Variants in TLR4 observed in about 807,000 individuals in gnomAD.
TLR4 encodes toll like receptor 4.
A neutral mutation model predicts 27.4 loss-of-function variants in TLR4; 17 were observed. The observed-to-expected ratio is 0.62, with a 90% CI of 0.42 to 0.93. The LOEUF (loss-of-function observed/expected upper bound fraction) is 0.93. Ranked by LOEUF, TLR4 falls within the 40% of genes least tolerant of loss-of-function variation. The probability of loss-of-function intolerance (pLI) is 0.00; values close to 1 mark genes in which losing one functional copy is unlikely to be tolerated. For synonymous variants in TLR4, 363 were observed against 365.7 expected (o/e 0.99, Z 0.08); for missense variants, 926 against 962.3 (o/e 0.96, Z 0.50).
Position 117,713,426 on chromosome 9 carries a change from A to G in TLR4, c.1298A>G (p.Asn433Ser), listed in dbSNP as rs1438249663. Residue 433 changes from asparagine to serine, a missense_variant, in exon 3 of 3, where the codon AAT becomes AGT. By Grantham distance (46) the Asn-to-Ser change is conservative. Coordinates refer to ENST00000355622, the MANE Select transcript of TLR4 (RefSeq NM_138554.5). Reference sequence around the variant, plus strand: ...GAACATCTGGATTTCCAGCATTCCAATTTGAAACAAATGAGTGAGTTTTCA... The same window carrying G: ...GAACATCTGGATTTCCAGCATTCCAGTTTGAAACAAATGAGTGAGTTTTCA... ...QLEHLDFQHS[N>S]LKQMSEFSVF... The G allele has an allele frequency of 1.2e-6, 2 of 1,613,942 alleles. No homozygotes were observed. The highest frequency in any genetic ancestry group is 1.3e-5 in the African/African-American group (1 of 74,930).
rs1187931410 is a variant in TLR4 at position 117,723,883 on chromosome 9, TAC to T, written c.*9238_*9239del. On this transcript the variant is annotated 3_prime_UTR_variant, in exon 3 of 3. Coordinates refer to ENST00000355622, the MANE Select transcript of TLR4 (RefSeq NM_138554.5). ...TTTAAAGTGATATCTCCCAGGCTCC[TAC>T]ACTGTTAGTCACAGAGGTACCATTC... 6.6e-6 allele frequency: 1 copy of T among 152,220 alleles called. No individual in the cohort carries two copies. The highest frequency in any genetic ancestry group is 1.5e-5 in the Non-Finnish European group (1 of 68,046). The allele number at this position is 152,220 out of a possible 1,614,324, so 9.4% of individuals were successfully genotyped here.
At position 117,714,087 on chromosome 9, in the gene TLR4, G is replaced by A. The variant is rs5030721; in HGVS notation, c.1959G>A (p.Lys653=). ...VVSVVAVLVY[K]FYFHLMLLAG... The stretch of plus-strand genomic sequence containing the variant: ...CTGTTGTAGCAGTTCTGGTCTATAA[G>A]TTCTATTTTCACCTGATGCTTCTTG... Residue 653 remains lysine, a synonymous_variant, in exon 3 of 3, where the codon AAG becomes AAA. Coordinates refer to ENST00000355622, the MANE Select transcript of TLR4 (RefSeq NM_138554.5). 0.011 allele frequency: 17,664 copies of A among 1,614,034 alleles called. 117 individuals are homozygous for A. Among genetic ancestry groups the A allele is most frequent in the South Asian group, 0.013 (1,186 of 91,082 alleles).
intron 1 of TLR4, 193 bp from the exon 2 acceptor site, chr9:117,708,370 A>T (rs1182321737): frequency 7.0e-7 from 1 of 1,422,876 alleles, no homozygotes. Flanking sequence ...ATCTAGAGTA[A>T]GACAATTTAT....
In TLR4 at chr9:117,717,428, T is replaced by C. The variant is rs916341038; in HGVS notation, c.*2780T>C. 6.6e-6 allele frequency: 1 copy of C among 152,172 alleles called. No homozygotes were observed. Among genetic ancestry groups the C allele is most frequent in the Non-Finnish European group, 1.5e-5 (1 of 68,032 alleles). 9.4% of individuals were successfully genotyped at this position (152,172 alleles called of 1,614,324 possible). A position where few individuals can be genotyped will look rare whatever the true frequency, so the allele number is the denominator to read the frequency against. On this transcript the variant is annotated 3_prime_UTR_variant, in exon 3 of 3. Transcript: ENST00000355622. Reference sequence around the variant, plus strand: ...AATAACTAACAATAAAATTGAATAGTTATAATAATATATTGTAATAAAAGT... The same window carrying C: ...AATAACTAACAATAAAATTGAATAGCTATAATAATATATTGTAATAAAAGT...
rs376443096 is a variant in TLR4 at position 117,713,410 on chromosome 9, G to A, written c.1282G>A (p.Asp428Asn). 1.2e-6 allele frequency: 2 copies of A among 1,613,978 alleles called. No homozygotes were observed. The highest frequency in any genetic ancestry group is 2.2e-5 in the East Asian group (1 of 44,870). The change falls in exon 3 of 3, where the codon GAT becomes AAT. Residue 428 changes from aspartate to asparagine, a missense_variant. Physicochemically the swap from Asp to Asn is conservative, Grantham distance 23. Coordinates refer to ENST00000355622, the MANE Select transcript of TLR4 (RefSeq NM_138554.5). ...FLGLEQLEHLDFQHSNLKQMS... is the reference protein window; with the variant it reads ...FLGLEQLEHLNFQHSNLKQMS... ...GGGCTTAGAACAACTAGAACATCTG[G>A]ATTTCCAGCATTCCAATTTGAAACA... is the stretch of plus-strand genomic sequence containing the variant.
Position 117,718,216 on chromosome 9 carries a change from C to A in TLR4, c.*3568C>A, listed in dbSNP as rs1829381336. On this transcript the variant is annotated 3_prime_UTR_variant, in exon 3 of 3. Transcript: ENST00000355622. ...AAAACCTGAGCCTGGGCCTCCAGGT[C>A]ACTCAAGGACACTTTCTTTCTTCCA... 2 of 152,098 alleles carry A rather than the reference C, an allele frequency of 1.3e-5. No individual in the cohort carries two copies. Among genetic ancestry groups the A allele is most frequent in the Non-Finnish European group, 1.5e-5 (1 of 67,998 alleles). 9.4% of individuals were successfully genotyped at this position (152,098 alleles called of 1,614,324 possible).
intron 2 of TLR4, 62 bp downstream of exon 2, chr9:117,708,791 A>G: frequency 6.2e-7 from 1 of 1,601,542 alleles, no homozygotes; most frequent in Admixed American, 1.7e-5. Flanking sequence ...TCATTTCATT[A>G]TTGGACTGGA....
Position 117,723,452 on chromosome 9 carries a change from TCTCTTTG to T in TLR4, c.*8812_*8818del, listed in dbSNP as rs985737051. 6.6e-6 allele frequency: 1 copy of T among 152,318 alleles called. No individual in the cohort carries two copies. Among genetic ancestry groups the T allele is most frequent in the African/African-American group, 2.4e-5 (1 of 41,580 alleles). The allele number at this position is 152,318 out of a possible 1,614,324, so 9.4% of individuals were successfully genotyped here. ...TGTTGAACAAAGGCAAATCTCTTGA[TCTCTTTG>T]CTCTTTGGTCTCTGTTTATCTATGA... On this transcript the variant is annotated 3_prime_UTR_variant, in exon 3 of 3. Transcript: ENST00000355622.
At chr9:117,707,290 A>T (rs1053118163) in intron 1 of TLR4, among the ~76,000 whole-genome samples, 44 of 152,314 alleles carry the variant, frequency 2.9e-4, no homozygotes, top group African/African-American at 1.0e-3. Context: ...GACTTTGCGC[A>T]TATTACTTCA....
At chr9:117,710,820 G>T (rs1298060093) in intron 2 of TLR4, among the ~76,000 whole-genome samples, 1 of 151,986 alleles carries the variant, frequency 6.6e-6, no homozygotes, top group Admixed American at 6.6e-5. Flanking sequence ...CATTATCATT[G>T]CTTGTTAGCC....
intron 2 of TLR4, 115 bp downstream of exon 2, chr9:117,708,844 C>G: frequency 1.5e-6 from 2 of 1,305,014 alleles, no homozygotes; most frequent in Non-Finnish European, 2.2e-6. Context: ...CTTATTCATT[C>G]ATACAACAGA....
rs1182134162 is a variant in TLR4, at chr9:117,723,714, T to G, written c.*9066T>G. The G allele has an allele frequency of 6.6e-6, 1 of 152,226 alleles. No individual in the cohort carries two copies. Among genetic ancestry groups the G allele is most frequent in the Non-Finnish European group, 1.5e-5 (1 of 68,044 alleles). 9.4% of individuals were successfully genotyped at this position (152,226 alleles called of 1,614,324 possible). A position where few individuals can be genotyped will look rare whatever the true frequency, so the allele number is the denominator to read the frequency against. Reference sequence around the variant, plus strand: ...TTTTAAATTAAGCTATATGTCATTCTTACAGGAGTCTCCTCTATTTCAGCA... The same window carrying G: ...TTTTAAATTAAGCTATATGTCATTCGTACAGGAGTCTCCTCTATTTCAGCA... On this transcript the variant is annotated 3_prime_UTR_variant, in exon 3 of 3. Coordinates refer to ENST00000355622, the MANE Select transcript of TLR4 (RefSeq NM_138554.5).
rs1829437600 is a variant in TLR4, at chr9:117,722,884, A to G, written c.*8236A>G. 1 of 152,212 alleles carries G rather than the reference A, an allele frequency of 6.6e-6. No homozygotes were observed. Among genetic ancestry groups the G allele is most frequent in the Admixed American group, 6.5e-5 (1 of 15,280 alleles). The allele number at this position is 152,212 out of a possible 1,614,324, so 9.4% of individuals were successfully genotyped here. ...TTCATGGTTACTTTTATTTATAATA[A>G]ATTTTGTGACTAGCTAAGAATCAAT... On this transcript the variant is annotated 3_prime_UTR_variant, in exon 3 of 3. Coordinates refer to ENST00000355622, the MANE Select transcript of TLR4 (RefSeq NM_138554.5).
At chr9:117,709,236 A>G (rs1588092943) in intron 2 of TLR4, among the ~76,000 whole-genome samples, 1 of 152,150 alleles carries the variant, frequency 6.6e-6, no homozygotes, top group East Asian at 1.9e-4. Flanking sequence ...ATAGCGACAT[A>G]TAACAGTAGG....
At chr9:117,710,273 T>G (rs1829209286) in intron 2 of TLR4, among the ~76,000 whole-genome samples, 1 of 152,028 alleles carries the variant, frequency 6.6e-6, no homozygotes, top group African/African-American at 2.4e-5. Flanking sequence ...TATGTCCATG[T>G]GTACTCCATG....
In TLR4 at chr9:117,723,717, C is replaced by T. The variant is rs866196215; in HGVS notation, c.*9069C>T. The stretch of plus-strand genomic sequence containing the variant: ...TAAATTAAGCTATATGTCATTCTTA[C>T]AGGAGTCTCCTCTATTTCAGCAATG... On this transcript the variant is annotated 3_prime_UTR_variant, in exon 3 of 3. Coordinates refer to ENST00000355622, the MANE Select transcript of TLR4 (RefSeq NM_138554.5). 6.6e-6 allele frequency: 1 copy of T among 152,194 alleles called. No homozygotes were observed. Among genetic ancestry groups the T allele is most frequent in the Non-Finnish European group, 1.5e-5 (1 of 68,022 alleles). 9.4% of individuals were successfully genotyped at this position (152,194 alleles called of 1,614,324 possible).
At chr9:117,704,913 T>C (rs1829111746) in intron 1 of TLR4, among the ~76,000 whole-genome samples, 1 of 152,090 alleles carries the variant, frequency 6.6e-6, no homozygotes, top group African/African-American at 2.4e-5. Flanking sequence ...CACTAGAGAG[T>C]AAGCAGACTG....
chr9:117,719,082 G>GCT lies in TLR4; in HGVS notation c.*4435_*4436insTC, dbSNP rs1829392664. On this transcript the variant is annotated 3_prime_UTR_variant, in exon 3 of 3. Transcript: ENST00000355622. ...TCTCCATTTACTTGTGTGATTGTGG[G>GCT]CAAGTCATTCAAGTGCTTTGAGGCT... The GCT allele has an allele frequency of 6.6e-6, 1 of 151,842 alleles. No individual in the cohort carries two copies. Among genetic ancestry groups the GCT allele is most frequent in the South Asian group, 2.1e-4 (1 of 4,824 alleles). The allele number at this position is 151,842 out of a possible 1,614,324, so 9.4% of individuals were successfully genotyped here. A position where few individuals can be genotyped will look rare whatever the true frequency, so the allele number is the denominator to read the frequency against.
Position 117,712,675 on chromosome 9 carries a change from T to G in TLR4, c.547T>G (p.Ser183Ala), listed in dbSNP as rs1829254527. Reference protein sequence around the residue: ...NLTNLEHLDLSSNKIQSIYCT... With the variant: ...NLTNLEHLDLASNKIQSIYCT... Reference sequence around the variant, plus strand: ...GACCAATCTAGAGCACTTGGACCTTTCCAGCAACAAGATTCAAAGTATTTA... The same window carrying G: ...GACCAATCTAGAGCACTTGGACCTTGCCAGCAACAAGATTCAAAGTATTTA... Residue 183 changes from serine to alanine, a missense_variant, in exon 3 of 3, where the codon TCC becomes GCC. Transcript: ENST00000355622. The G allele has an allele frequency of 6.2e-7, 1 of 1,613,986 alleles. No individual in the cohort carries two copies. Among genetic ancestry groups the G allele is most frequent in the South Asian group, 1.1e-5 (1 of 91,084 alleles).
Sources: allele counts gnomAD v4.1 joint callset (sites outside exome capture counted in the v4.1 genomes callset), GRCh38; gene constraint gnomAD v4.1.1; transcripts MANE v1.5; gene names NCBI Gene and HGNC (gene_info 2026-07-23, HGNC 2026-07-21).